Variants in PIK3R1 observed in about 807,000 individuals in gnomAD.
PIK3R1 encodes the protein phosphatidylinositol 3-kinase regulatory subunit alpha.
In PIK3R1, 29 loss-of-function variants were observed where a neutral mutation model predicts 98.0. The observed-to-expected ratio is 0.30, with a 90% CI of 0.22 to 0.40. The LOEUF is 0.40. Among genes scored for constraint, PIK3R1 ranks in the 10% least tolerant of loss-of-function variants. The probability of loss-of-function intolerance (pLI) is 1.00; values close to 1 mark genes in which losing one functional copy is unlikely to be tolerated. For missense variants in PIK3R1, 596 were observed against 872.7 expected, an observed-to-expected ratio of 0.68 and a Z score of 3.99; for synonymous variants, 282 against 311.8, an observed-to-expected ratio of 0.90 and a Z score of 1.01.
chr5:68,271,154 G>T (rs764774566), intron 2 of PIK3R1, among the ~76,000 whole-genome samples: 1 of 152,138 alleles, frequency 6.6e-6, no homozygotes, highest in African/African-American at 2.4e-5. Context: ...TGAAGATTTA[G>T]GGTGGTACCT....
rs773685747 is a variant in PIK3R1 at position 68,280,699 on chromosome 5, G to A, written c.806G>A (p.Ser269Asn). 2.5e-6 allele frequency: 4 copies of A among 1,613,942 alleles called. No homozygotes were observed. The African/African-American group carries it at 5.3e-5, about 22-fold the overall frequency. The change falls in exon 6 of 16, where the codon AGC (serine) becomes AAC (asparagine). Residue 269 changes from serine to asparagine, a missense_variant. This residue lies in a region of PIK3R1 where 352 missense variants were observed against 393.3 expected (regional missense o/e 0.90). Coordinates refer to ENST00000521381, the MANE Select transcript of PIK3R1 (RefSeq NM_181523.3). ...LNARVLSEIF[S>N]PMLFRFSAAS... ...GCAAGAGTACTCTCTGAAATTTTCAGCCCTATGCTTTTCAGATTCTCAGCA... is the reference window on the plus strand; with the variant it reads ...GCAAGAGTACTCTCTGAAATTTTCAACCCTATGCTTTTCAGATTCTCAGCA...
intron 2 of PIK3R1, among the ~76,000 whole-genome samples, chr5:68,248,735 T>C (rs958405723): frequency 2.0e-5 from 3 of 152,118 alleles, no homozygotes; most frequent in Non-Finnish European, 4.4e-5. Flanking sequence ...ACAAGGGAAA[T>C]TGGAAGAACT....
rs371855787 is a variant in PIK3R1 at position 68,295,650 on chromosome 5, A to G, written c.1814+162A>G. 2.0e-4 allele frequency: 127 copies of G among 650,404 alleles called. No individual in the cohort carries two copies. In the East Asian group the frequency reaches 3.1e-3, roughly 16 times the overall value. 40.3% of individuals were successfully genotyped at this position (650,404 alleles called of 1,614,324 possible). ...GTGCCATTATCCAGAATTTTAAAAA[A>G]AGAAAGCTTAGCTAAGGAGGACTAG... On this transcript the variant is annotated intron_variant, in intron 14 of 15. Transcript: ENST00000521381.
At chr5:68,273,234 G>C (rs780994292) in intron 2 of PIK3R1, among the ~76,000 whole-genome samples, 156 bp from the exon 3 acceptor site, 5 of 152,140 alleles carry the variant, frequency 3.3e-5, no homozygotes, top group Non-Finnish European at 7.3e-5. Context: ...AGAAGCAGTG[G>C]GCATATCACT....
intron 1 of PIK3R1, among the ~76,000 whole-genome samples, chr5:68,219,374 C>T (rs1580166398): frequency 6.6e-6 from 1 of 152,172 alleles, no homozygotes; most frequent in East Asian, 1.9e-4. Context: ...TGAGGAGGCT[C>T]CACCAGTGAG....
intron 2 of PIK3R1, among the ~76,000 whole-genome samples, chr5:68,252,549 G>A (rs1016484898): frequency 6.6e-5 from 10 of 152,264 alleles, no homozygotes; most frequent in East Asian, 1.9e-4. Context: ...GGATGTGTGC[G>A]TGCAAATGTG....
In PIK3R1 at chr5:68,299,136, C is replaced by T. The variant is rs912275337; in HGVS notation, c.*1535C>T. 1.7e-5 allele frequency: 4 copies of T among 233,294 alleles called. No individual in the cohort carries two copies. In the East Asian group the frequency reaches 1.8e-4, roughly 11 times the overall value. The allele number at this position is 233,294 out of a possible 1,614,324, so 14.5% of individuals were successfully genotyped here. On this transcript the variant is annotated 3_prime_UTR_variant, in exon 16 of 16. Coordinates refer to ENST00000521381, the MANE Select transcript of PIK3R1 (RefSeq NM_181523.3). ...GTTTGTTTTTGGGTTCCTGGAACAGCGCTCACCTTTGTTTAGAACACTGGT... is the reference window on the plus strand; with the variant it reads ...GTTTGTTTTTGGGTTCCTGGAACAGTGCTCACCTTTGTTTAGAACACTGGT...
chr5:68,239,807 A>G (rs1365217548), intron 2 of PIK3R1: 1 of 496,236 alleles, frequency 2.0e-6, no homozygotes, highest in Non-Finnish European at 4.0e-6. Context: ...TGATATGACA[A>G]AGTGAGTTAA....
intron 2 of PIK3R1, among the ~76,000 whole-genome samples, chr5:68,262,490 G>A (rs966248167): frequency 5.1e-5 from 7 of 137,848 alleles, no homozygotes; most frequent in Admixed American, 4.3e-4. Flanking sequence ...ATATCTATAT[G>A]TATACATATA....
chr5:68,289,478 A>G (rs1234705425), intron 7 of PIK3R1, among the ~76,000 whole-genome samples: 1 of 152,056 alleles, frequency 6.6e-6, no homozygotes, highest in Non-Finnish European at 1.5e-5. Flanking sequence ...TAAATGGTCA[A>G]ATATGTGACA....
intron 1 of PIK3R1, among the ~76,000 whole-genome samples, chr5:68,223,123 A>AATCATCATC (rs60144880): frequency 3.6e-4 from 53 of 148,032 alleles, no homozygotes; most frequent in East Asian, 6.0e-4. Context: ...GTACAAACTC[A>AATCATCATC]ATCATCATCA....
rs2112255067 is a variant in PIK3R1, at chr5:68,293,208, G to C, written c.1118+9G>C. The C allele has an allele frequency of 1.2e-6, 2 of 1,609,448 alleles. No homozygotes were observed. Among genetic ancestry groups the C allele is most frequent in the Non-Finnish European group, 1.7e-6 (2 of 1,176,302 alleles). On this transcript the variant is annotated intron_variant, in intron 9 of 15. Coordinates refer to ENST00000521381, the MANE Select transcript of PIK3R1 (RefSeq NM_181523.3). ...TATACTCTTACACTAAGGTAAGCCA[G>C]GGAATATAGCTGAAATTAGGGTTTT...
chr5:68,298,601 CTA>C lies in PIK3R1; in HGVS notation c.*1002_*1003del, dbSNP rs529021966. ...AAAAAAAATGGCTTCAGAATTAAAA[CTA>C]TGAAATATTTTACAGTTTTTCTTGT... On this transcript the variant is annotated 3_prime_UTR_variant, in exon 16 of 16. Transcript: ENST00000521381. 298 of 231,774 alleles carry C rather than the reference CTA, an allele frequency of 1.3e-3. 2 individuals carry two copies. The highest frequency in any genetic ancestry group is 6.0e-3 in the African/African-American group (271 of 45,160). The allele number at this position is 231,774 out of a possible 1,614,324, so 14.4% of individuals were successfully genotyped here.
chr5:68,273,411 C>G lies in PIK3R1; in HGVS notation c.356C>G (p.Ala119Gly). ...GCAGCTTTGACTCTCCCGGATCTTG[C>G]AGAGCAGTTTGCCCCTCCTGACATT... The part of the protein sequence containing the change: ...EQQALTLPDL[A>G]EQFAPPDIAP... The change falls in exon 3 of 16, where the codon GCA (alanine) becomes GGA (glycine). Residue 119 changes from alanine to glycine, a missense_variant. By Grantham distance (60) the Ala-to-Gly change is moderately conservative. Around this residue, in one of 3 missense-constraint regions of PIK3R1, gnomAD observed 352 missense variants for 393.3 expected, o/e 0.90. Transcript: ENST00000521381. 6.2e-7 allele frequency: 1 copy of G among 1,614,042 alleles called. No homozygotes were observed. The highest frequency in any genetic ancestry group is 1.3e-5 in the African/African-American group (1 of 75,024).
At chr5:68,290,979 T>A (rs1219419211) in intron 7 of PIK3R1, 2 of 582,096 alleles carry the variant, frequency 3.4e-6, no homozygotes, top group Non-Finnish European at 6.0e-6. Context: ...GGCTTAAAAA[T>A]TAAACAGATT....
At chr5:68,290,699 C>G in intron 7 of PIK3R1, 1 of 1,594,350 alleles carries the variant, frequency 6.3e-7, no homozygotes, top group Middle Eastern at 1.7e-4. Flanking sequence ...TTTCTTATAA[C>G]TGAGCTCAGC....
chr5:68,246,583 G>C (rs919098408), intron 2 of PIK3R1, among the ~76,000 whole-genome samples: 3 of 152,178 alleles, frequency 2.0e-5, no homozygotes, highest in African/African-American at 7.2e-5. Context: ...AAAGTGCTGG[G>C]ATTACAGGCG....
chr5:68,234,729 C>T (rs1244188925), intron 2 of PIK3R1, among the ~76,000 whole-genome samples: 1 of 152,114 alleles, frequency 6.6e-6, no homozygotes, highest in Admixed American at 6.5e-5. Context: ...GTTAAATTTT[C>T]CAAGGTAAGT....
chr5:68,300,540 TACAC>T lies in PIK3R1; in HGVS notation c.*2944_*2947del, dbSNP rs1747982776. On this transcript the variant is annotated 3_prime_UTR_variant, in exon 16 of 16. Coordinates refer to ENST00000521381, the MANE Select transcript of PIK3R1 (RefSeq NM_181523.3). ...AAGTGGGAGCATTGGGACCTCACAT[TACAC>T]ACACGAGAGATCATAACCATGTGAA... 1 of 233,138 alleles carries T rather than the reference TACAC, an allele frequency of 4.3e-6. No homozygotes were observed. The allele number at this position is 233,138 out of a possible 1,614,324, so 14.4% of individuals were successfully genotyped here. A position where few individuals can be genotyped will look rare whatever the true frequency, so the allele number is the denominator to read the frequency against.
Sources: allele counts gnomAD v4.1 joint callset (sites outside exome capture counted in the v4.1 genomes callset), GRCh38; gene constraint gnomAD v4.1.1; regional missense constraint gnomAD v4.1.1; transcripts MANE v1.5; gene names NCBI Gene and HGNC (gene_info 2026-07-23, HGNC 2026-07-21).